The following PTPN22 variants were observed in gnomAD, a reference collection of about 807,000 sequenced individuals.
PTPN22 encodes the protein tyrosine-protein phosphatase non-receptor type 22.
Under a neutral mutation model 103.3 loss-of-function variants are expected in PTPN22, and 85 were observed. The ratio of observed to expected loss-of-function variants is 0.82; its 90% CI spans 0.69 to 0.99. The LOEUF is 0.99. PTPN22 is among the 50% of genes least tolerant of loss of function. The pLI, the probability that PTPN22 is intolerant of heterozygous loss-of-function variation, is 0.00. For missense variants in PTPN22, 865 were observed against 936.9 expected, an observed-to-expected ratio of 0.92 and a Z score of 1.00; for synonymous variants, 323 against 310.2, an observed-to-expected ratio of 1.04 and a Z score of -0.43.
At chr1:113,831,166 A>G (rs1466133836) in intron 16 of PTPN22, among the ~76,000 whole-genome samples, 1 of 152,178 alleles carries the variant, frequency 6.6e-6, no homozygotes, top group Non-Finnish European at 1.5e-5. Flanking sequence ...TACTCCCCTA[A>G]CAAAGAACCC....
chr1:113,837,566 T>C, intron 13 of PTPN22, 24 bp downstream of exon 13: 1 of 1,466,550 alleles, frequency 6.8e-7, no homozygotes, highest in Non-Finnish European at 9.3e-7. Flanking sequence ...TAAAATTCTA[T>C]GCAAACTTTA....
intron 9 of PTPN22, among the ~76,000 whole-genome samples, chr1:113,853,859 C>CTTTTTTTTTTTTTT (rs894010114): frequency 6.6e-4 from 44 of 67,170 alleles, no homozygotes; most frequent in African/African-American, 7.9e-4. Flanking sequence ...TTTTTTTTTG[C>CTTTTTTTTTTTTTT]TTTTTTTTTT....
chr1:113,842,827 C>T (rs1302445144), intron 11 of PTPN22, among the ~76,000 whole-genome samples: 1 of 151,652 alleles, frequency 6.6e-6, no homozygotes, highest in Non-Finnish European at 1.5e-5. Context: ...AACGGCCGGG[C>T]GCGGTGGCTC....
chr1:113,826,659 ATTTTTTT>A (rs10563752), intron 18 of PTPN22, among the ~76,000 whole-genome samples: 1 of 63,098 alleles, frequency 1.6e-5, no homozygotes, highest in Non-Finnish European at 2.8e-5. Flanking sequence ...GGAGTCTCTA[ATTTTTTT>A]TTTTTTTTTT....
chr1:113,817,494 G>A (rs1661254873), intron 20 of PTPN22, among the ~76,000 whole-genome samples: 1 of 152,114 alleles, frequency 6.6e-6, no homozygotes, highest in Non-Finnish European at 1.5e-5. Flanking sequence ...CTAGAGTGCA[G>A]TGGCATGATC....
intron 19 of PTPN22, among the ~76,000 whole-genome samples, chr1:113,821,250 T>C (rs1315997102): frequency 6.6e-6 from 1 of 152,154 alleles, no homozygotes; most frequent in Admixed American, 6.6e-5. Flanking sequence ...TCCACACATA[T>C]ATATCAGAGG....
intron 13 of PTPN22, 24 bp from the exon 14 acceptor site, chr1:113,835,017 G>T (rs751667862): frequency 2.8e-6 from 4 of 1,411,060 alleles, no homozygotes; most frequent in Non-Finnish European, 3.8e-6. Flanking sequence ...CAAAAATATT[G>T]TAACAATTGT....
exon 21 of PTPN22, chr1:113,814,137 A>G (rs1309053126): frequency 1.3e-5 from 2 of 152,294 alleles, no homozygotes; most frequent in Non-Finnish European, 2.9e-5. Flanking sequence ...TTAAACTAGT[A>G]TTTCTGATTG....
chr1:113,871,376 G>A (rs1420449661), intron 1 of PTPN22, among the ~76,000 whole-genome samples, 161 bp downstream of exon 1: 1 of 151,946 alleles, frequency 6.6e-6, no homozygotes, highest in Non-Finnish European at 1.5e-5. Flanking sequence ...TGAAATACAT[G>A]CAAACCACTC....
chr1:113,819,621 G>A (rs761385922), exon 20 of PTPN22: 11 of 1,605,218 alleles, frequency 6.9e-6, no homozygotes, highest in Non-Finnish European at 9.4e-6. Flanking sequence ...AACAGATTCT[G>A]CAGGCTTGTT....
In PTPN22 at chr1:113,851,499, G is replaced by A. The variant is rs549522481; in HGVS notation, c.828+528C>T. On this transcript the variant is annotated intron_variant, in intron 10 of 20. Transcript: ENST00000359785. The stretch of plus-strand genomic sequence containing the variant: ...TAAGTATGCATGCAATAAGAATCAG[G>A]AGAAACTATAGAAAAATAGTAATAG... Among the ~76,000 whole-genome samples, 34 of 152,184 alleles carry A rather than the reference G, an allele frequency of 2.2e-4. No individual in the cohort carries two copies. The South Asian group carries it at 7.0e-3, about 32-fold the overall frequency.
chr1:113,820,962 A>T (rs1168201265), intron 19 of PTPN22, among the ~76,000 whole-genome samples: 1 of 150,978 alleles, frequency 6.6e-6, no homozygotes, highest in Admixed American at 6.6e-5. Context: ...TTACTATATT[A>T]CTATAGTAAG....
At chr1:113,829,465 T>C in intron 18 of PTPN22, 127 bp downstream of exon 18, 1 of 549,164 alleles carries the variant, frequency 1.8e-6, no homozygotes, top group Non-Finnish European at 3.2e-6. Context: ...ATTTTGACTG[T>C]TATAATATCA....
intron 18 of PTPN22, among the ~76,000 whole-genome samples, chr1:113,828,644 T>C (rs536678621): frequency 6.6e-6 from 1 of 152,302 alleles, no homozygotes; most frequent in South Asian, 2.1e-4. Flanking sequence ...CCATTTTATA[T>C]TTATATTTAA....
At chr1:113,859,868 CT>C (rs923820757) in intron 1 of PTPN22, among the ~76,000 whole-genome samples, 1 of 150,662 alleles carries the variant, frequency 6.6e-6, no homozygotes, top group African/African-American at 2.4e-5. Context: ...CTTCAGATCG[CT>C]TTTTTTTCTA....
At chr1:113,828,456 C>G (rs1328468773) in intron 18 of PTPN22, among the ~76,000 whole-genome samples, 2 of 151,942 alleles carry the variant, frequency 1.3e-5, no homozygotes, top group African/African-American at 4.8e-5. Context: ...AAGGAATAGA[C>G]CCTGCTTTTT....
intron 13 of PTPN22, among the ~76,000 whole-genome samples, chr1:113,836,469 A>G (rs373126875): frequency 1.3e-5 from 2 of 152,228 alleles, no homozygotes; most frequent in African/African-American, 4.8e-5. Flanking sequence ...ACTACAAAAG[A>G]GCAAGAAATC....
At chr1:113,821,566 C>G (rs1661616848) in intron 19 of PTPN22, among the ~76,000 whole-genome samples, 1 of 152,206 alleles carries the variant, frequency 6.6e-6, no homozygotes, top group Non-Finnish European at 1.5e-5. Flanking sequence ...TCGTGATCTG[C>G]CTGCCTTGGC....
intron 20 of PTPN22, chr1:113,815,288 A>C (rs1015574243): frequency 3.0e-5 from 6 of 198,084 alleles, no homozygotes; most frequent in African/African-American, 1.4e-4. Flanking sequence ...ACTTTTTGTC[A>C]TCCACTCCAT....
Sources: allele counts gnomAD v4.1 joint callset (sites outside exome capture counted in the v4.1 genomes callset), GRCh38; gene constraint gnomAD v4.1.1; transcripts MANE v1.5; gene names NCBI Gene and HGNC (gene_info 2026-07-23, HGNC 2026-07-21).